POLH: variants seen among roughly 807,000 people sequenced by gnomAD.
POLH encodes DNA polymerase eta.
In POLH, 53 loss-of-function variants were observed where a neutral mutation model predicts 73.6. That is an observed-to-expected ratio of 0.72 (90% CI 0.58 to 0.91). POLH has a LOEUF of 0.91. POLH is among the 40% of genes least tolerant of loss of function. The probability of loss-of-function intolerance (pLI) is 0.00; values close to 1 mark genes in which losing one functional copy is unlikely to be tolerated. For synonymous variants in POLH, 292 were observed against 308.5 expected (o/e 0.95, Z 0.56); for missense variants, 768 against 865.4 (o/e 0.89, Z 1.41).
chr6:43,608,033 A>G (rs1168636511), intron 9 of POLH, among the ~76,000 whole-genome samples: 1 of 152,192 alleles, frequency 6.6e-6, no homozygotes, highest in Non-Finnish European at 1.5e-5. Context: ...CAGGAGGCTG[A>G]GGCAAGAGAA....
At chr6:43,579,993 G>A (rs1763833048) in intron 1 of POLH, among the ~76,000 whole-genome samples, 2 of 143,194 alleles carry the variant, frequency 1.4e-5, no homozygotes, top group African/African-American at 2.6e-5. Context: ...AATAGTGGAG[G>A]GAAGGTCAGC....
rs1181933033 is a variant in POLH at position 43,597,893 on chromosome 6, G to A, written c.660+28G>A. 3.2e-6 allele frequency: 5 copies of A among 1,566,992 alleles called. No homozygotes were observed. In the Admixed American group the frequency reaches 8.3e-5, roughly 26 times the overall value. On this transcript the variant is annotated intron_variant, in intron 5 of 10. Transcript: ENST00000372236. ...GAAGGCTAATAGTAGATTTCAAAGA[G>A]AAACATTGATATCCTTAGTCAAATA...
At chr6:43,587,188 C>G in intron 3 of POLH, 84 bp from the exon 4 acceptor site, 1 of 982,444 alleles carries the variant, frequency 1.0e-6, no homozygotes, top group Non-Finnish European at 1.7e-6. Context: ...TATTATTGTT[C>G]ATTATGGCAG....
In POLH at chr6:43,597,751, C is replaced by A. The variant is rs971195455; in HGVS notation, c.546C>A (p.Asn182Lys). ...FQWLDSLQID[N>K]LTSPDLQLTV... is the part of the protein sequence containing the mutation. ...GGCTCGATTCTCTTCAGATTGATAA[C>A]CTCACCTCTCCAGACCTGCAGCTCA... Residue 182 changes from asparagine (N) to lysine (K), a missense_variant, in exon 5 of 11, where the codon AAC becomes AAA. By Grantham distance (94) the Asn-to-Lys change is moderately conservative. Coordinates refer to ENST00000372236, the MANE Select transcript of POLH (RefSeq NM_006502.3). The A allele has an allele frequency of 5.6e-6, 9 of 1,613,954 alleles. No homozygotes were observed. Among genetic ancestry groups the A allele is most frequent in the Non-Finnish European group, 7.6e-6 (9 of 1,179,888 alleles).
intron 10 of POLH, among the ~76,000 whole-genome samples, chr6:43,612,964 C>A (rs1009191071): frequency 3.9e-5 from 6 of 151,904 alleles, no homozygotes; most frequent in Non-Finnish European, 7.4e-5. Flanking sequence ...CCACACCCAG[C>A]TAATTTTTGT....
At chr6:43,581,623 G>A (rs1242838806) in intron 1 of POLH, among the ~76,000 whole-genome samples, 2 of 145,250 alleles carry the variant, frequency 1.4e-5, no homozygotes, top group African/African-American at 2.8e-5. Flanking sequence ...CCGGCGCGGC[G>A]GCAAAGACTG....
intron 3 of POLH, among the ~76,000 whole-genome samples, chr6:43,583,416 A>G (rs1156375570): frequency 6.6e-6 from 1 of 152,214 alleles, no homozygotes; most frequent in African/African-American, 2.4e-5. Context: ...CTTAATACCA[A>G]TTCCCATGTT....
At chr6:43,596,407 C>T (rs550580107) in intron 4 of POLH, among the ~76,000 whole-genome samples, 2 of 151,578 alleles carry the variant, frequency 1.3e-5, no homozygotes, top group Admixed American at 6.6e-5. Context: ...GGTGTGAACC[C>T]GGCAGGCAGA....
In POLH at chr6:43,615,281, G is replaced by A. The variant is rs1262623784; in HGVS notation, c.*724G>A. The A allele has an allele frequency of 7.3e-6, 1 of 137,088 alleles. No individual in the cohort carries two copies. Among genetic ancestry groups the A allele is most frequent in the Non-Finnish European group, 1.6e-5 (1 of 64,396 alleles). The allele number at this position is 137,088 out of a possible 1,614,324, so 8.5% of individuals were successfully genotyped here. A position where few individuals can be genotyped will look rare whatever the true frequency, so the allele number is the denominator to read the frequency against. ...TTCATCTCAGAAAATAAAAAATAGG[G>A]GCCAGGCACAGTGGCTCATACCTGT... On this transcript the variant is annotated 3_prime_UTR_variant, in exon 11 of 11. Transcript: ENST00000372236.
chr6:43,590,308 A>AT (rs1765302263), intron 4 of POLH, among the ~76,000 whole-genome samples: 1 of 151,728 alleles, frequency 6.6e-6, no homozygotes. Context: ...CAGTGAGCTG[A>AT]GATCGTACCA....
intron 9 of POLH, among the ~76,000 whole-genome samples, chr6:43,607,948 T>C (rs1242010205): frequency 6.6e-6 from 1 of 152,148 alleles, no homozygotes; most frequent in East Asian, 1.9e-4. Flanking sequence ...CTGGCCAACA[T>C]GGCGAAACCC....
intron 9 of POLH, among the ~76,000 whole-genome samples, chr6:43,605,576 G>A (rs1173879891): frequency 1.3e-5 from 2 of 150,176 alleles, no homozygotes; most frequent in Non-Finnish European, 3.0e-5. Flanking sequence ...AGCCTCCTGA[G>A]TAGCTGGGAC....
chr6:43,600,686 T>A (rs1402022735), intron 5 of POLH, among the ~76,000 whole-genome samples: 4 of 152,148 alleles, frequency 2.6e-5, no homozygotes, highest in East Asian at 1.9e-4. Flanking sequence ...CAGTTTCTGC[T>A]TTTCAAACCT....
rs1315103610 is a variant in POLH, at chr6:43,576,218, T to A, written c.-227T>A. ...GGCTGCATTGCTGGGCGCGCCGCTCTCGTCTGATCCCTGCTGGGGACGGTT... is the reference window on the plus strand; with the variant it reads ...GGCTGCATTGCTGGGCGCGCCGCTCACGTCTGATCCCTGCTGGGGACGGTT... On this transcript the variant is annotated 5_prime_UTR_variant, in exon 1 of 11. Coordinates refer to ENST00000372236, the MANE Select transcript of POLH (RefSeq NM_006502.3). The A allele has an allele frequency of 4.9e-6, 1 of 203,188 alleles. No homozygotes were observed. The highest frequency in any genetic ancestry group is 1.2e-4 in the South Asian group (1 of 8,644). 12.6% of individuals were successfully genotyped at this position (203,188 alleles called of 1,614,324 possible).
intron 9 of POLH, among the ~76,000 whole-genome samples, chr6:43,605,869 C>T (rs963146684): frequency 1.3e-5 from 2 of 151,850 alleles, no homozygotes; most frequent in Non-Finnish European, 2.9e-5. Context: ...AGGCACATAC[C>T]ACCACACCCG....
intron 4 of POLH, among the ~76,000 whole-genome samples, chr6:43,595,487 C>G (rs964885776): frequency 6.6e-6 from 1 of 151,976 alleles, no homozygotes; most frequent in Admixed American, 6.6e-5. Flanking sequence ...GTGGCTCATG[C>G]CTATAATCCC....
chr6:43,583,884 A>G (rs1764533243), intron 3 of POLH, among the ~76,000 whole-genome samples: 2 of 152,312 alleles, frequency 1.3e-5, no homozygotes, highest in Admixed American at 6.5e-5. Context: ...CCTAGCATTT[A>G]GGGAGGCTGA....
intron 1 of POLH, among the ~76,000 whole-genome samples, chr6:43,580,999 C>CG (rs1764107454): frequency 6.8e-6 from 1 of 146,508 alleles, no homozygotes; most frequent in African/African-American, 2.6e-5. Flanking sequence ...GCTGACCCCC[C>CG]CCCACCTCCC....
intron 1 of POLH, among the ~76,000 whole-genome samples, chr6:43,581,141 G>T (rs2127770713): frequency 6.8e-6 from 1 of 146,194 alleles, no homozygotes; most frequent in East Asian, 2.2e-4. Context: ...CTCAGACGGG[G>T]TGGTTGCCAG....
Sources: allele counts gnomAD v4.1 joint callset (sites outside exome capture counted in the v4.1 genomes callset), GRCh38; gene constraint gnomAD v4.1.1; transcripts MANE v1.5; gene names NCBI Gene and HGNC (gene_info 2026-07-23, HGNC 2026-07-21).